Variants in G2E3 observed in about 807,000 individuals in gnomAD.
G2E3 encodes G2/M phase-specific E3 ubiquitin-protein ligase.
Under a neutral mutation model 92.8 loss-of-function variants are expected in G2E3, and 35 were observed. That is an observed-to-expected ratio of 0.38 (90% CI 0.29 to 0.50). The LOEUF is 0.50. Ranked by LOEUF, G2E3 falls within the 20% of genes least tolerant of loss-of-function variation. The pLI is 0.94. For missense variants in G2E3, 554 were observed against 823.8 expected, an observed-to-expected ratio of 0.67 and a Z score of 4.01; for synonymous variants, 242 against 272.4, an observed-to-expected ratio of 0.89 and a Z score of 1.10.
chr14:30,597,376 C>G (rs748766307), intron 6 of G2E3, 44 bp from the exon 7 acceptor site: 29 of 935,504 alleles, frequency 3.1e-5, no homozygotes, highest in Admixed American at 2.6e-4. Context: ...CACCTGATAA[C>G]AGATTTAAAT....
intron 1 of G2E3, among the ~76,000 whole-genome samples, chr14:30,572,785 G>A (rs566330924): frequency 1.5e-4 from 23 of 151,664 alleles, no homozygotes; most frequent in Middle Eastern, 3.4e-3. Context: ...CTCTTGTGGC[G>A]TTTATGTGTT....
chr14:30,560,951 A>G, intron 1 of G2E3: 1 of 615,008 alleles, frequency 1.6e-6, no homozygotes, highest in African/African-American at 1.8e-5. Context: ...CTTGGTTTGA[A>G]GCCCATCTCC....
chr14:30,591,634 T>G (rs868797930), intron 4 of G2E3, among the ~76,000 whole-genome samples: 1 of 152,300 alleles, frequency 6.6e-6, no homozygotes, highest in East Asian at 1.9e-4. Context: ...TGTTTCTATC[T>G]TCACAGGCCT....
At chr14:30,587,774 C>G (rs1880792458) in intron 3 of G2E3, among the ~76,000 whole-genome samples, 1 of 152,086 alleles carries the variant, frequency 6.6e-6, no homozygotes, top group African/African-American at 2.4e-5. Context: ...TCTCCCAAAG[C>G]AAGTGATGAG....
chr14:30,570,567 A>G (rs1879698610), intron 1 of G2E3, among the ~76,000 whole-genome samples: 1 of 151,860 alleles, frequency 6.6e-6, no homozygotes, highest in South Asian at 2.1e-4. Flanking sequence ...ATTTCAACTA[A>G]CCTGTCTTCA....
rs945615893 is a variant in G2E3 at position 30,584,951 on chromosome 14, C to T, written c.38-1767C>T. On this transcript the variant is annotated intron_variant, in intron 2 of 14. Coordinates refer to ENST00000206595, the MANE Select transcript of G2E3 (RefSeq NM_017769.5). ...GGTTCAAGCAATTCTTCTTCCTCAG[C>T]CTCCCGAGTAGCTGGGATTACAGGC... 6.6e-5 allele frequency among the ~76,000 whole-genome samples: 10 copies of T among 151,822 alleles called. No individual in the cohort carries two copies. The South Asian group carries it at 1.0e-3, about 16-fold the overall frequency.
chr14:30,598,194 T>G (rs229260), intron 7 of G2E3: 5,933 of 278,668 alleles, frequency 0.021, 388 homozygotes, highest in African/African-American at 0.12. Context: ...AGACCAGCCT[T>G]GCCAACATGG....
chr14:30,567,885 A>G (rs924812383), intron 1 of G2E3, among the ~76,000 whole-genome samples: 22 of 152,010 alleles, frequency 1.4e-4, no homozygotes, highest in African/African-American at 7.2e-5. Flanking sequence ...GTTTCATTCC[A>G]TAGTCATTGG....
At position 30,616,734 on chromosome 14, in the gene G2E3, T is replaced by G. The variant is rs1882333271; in HGVS notation, c.*200T>G. ...TTTTGTTAAAGCATACTAGTCAAAATTGGTGATAATTTCTCATTTTCTTGA... is the reference window on the plus strand; with the variant it reads ...TTTTGTTAAAGCATACTAGTCAAAAGTGGTGATAATTTCTCATTTTCTTGA... On this transcript the variant is annotated 3_prime_UTR_variant, in exon 15 of 15. Coordinates refer to ENST00000206595, the MANE Select transcript of G2E3 (RefSeq NM_017769.5). The G allele has an allele frequency of 4.7e-6, 2 of 426,432 alleles. No homozygotes were observed. Among genetic ancestry groups the G allele is most frequent in the East Asian group, 8.6e-5 (2 of 23,346 alleles). The allele number at this position is 426,432 out of a possible 1,614,324, so 26.4% of individuals were successfully genotyped here.
intron 12 of G2E3, 48 bp from the exon 13 acceptor site, chr14:30,612,159 A>G (rs1393290081): frequency 1.5e-6 from 2 of 1,323,188 alleles, no homozygotes; most frequent in Admixed American, 3.6e-5. Flanking sequence ...TGTGCATGTC[A>G]CTCAAAAGTA....
intron 8 of G2E3, among the ~76,000 whole-genome samples, chr14:30,601,389 GA>G (rs1343750462): frequency 3.5e-4 from 53 of 152,132 alleles, no homozygotes; most frequent in African/African-American, 1.3e-3. Flanking sequence ...TCCTCACCTT[GA>G]AATTTACTGA....
intron 1 of G2E3, among the ~76,000 whole-genome samples, chr14:30,569,565 G>A (rs1250677354): frequency 1.3e-5 from 2 of 152,148 alleles, no homozygotes; most frequent in African/African-American, 4.8e-5. Context: ...ACCTGGTTCT[G>A]TGGGAGTTGT....
At chr14:30,581,338 A>T (rs1880419880) in intron 2 of G2E3, among the ~76,000 whole-genome samples, 2 of 151,886 alleles carry the variant, frequency 1.3e-5, no homozygotes, top group Admixed American at 6.5e-5. Context: ...TATGGTTCGT[A>T]TCTCAATAAA....
rs769759019 is a variant in G2E3 at position 30,589,369 on chromosome 14, G to T, written c.136-14G>T. Reference sequence around the variant, plus strand: ...TTCTTAGAGTTTATTTTCTAATTGAGAATATATTCATAGTTGATGTCAAGT... The same window carrying T: ...TTCTTAGAGTTTATTTTCTAATTGATAATATATTCATAGTTGATGTCAAGT... On this transcript the variant is annotated splice_polypyrimidine_tract_variant and intron_variant, in intron 3 of 14. Transcript: ENST00000206595. 2 of 1,417,200 alleles carry T rather than the reference G, an allele frequency of 1.4e-6. No individual in the cohort carries two copies. The highest frequency in any genetic ancestry group is 2.0e-6 in the Non-Finnish European group (2 of 1,003,532). The allele number at this position is 1,417,200 out of a possible 1,614,324, so 87.8% of individuals were successfully genotyped here.
chr14:30,568,979 C>T (rs577212652), intron 1 of G2E3, among the ~76,000 whole-genome samples: 1 of 152,234 alleles, frequency 6.6e-6, no homozygotes, highest in East Asian at 1.9e-4. Flanking sequence ...TCCCTTTCAC[C>T]CTAGACCCCA....
intron 1 of G2E3, among the ~76,000 whole-genome samples, chr14:30,575,701 A>G (rs926281853): frequency 4.6e-5 from 7 of 152,206 alleles, no homozygotes; most frequent in African/African-American, 1.7e-4. Context: ...TACAAAATTC[A>G]CTAGCATTCC....
chr14:30,588,094 G>A (rs1880810844), intron 3 of G2E3, among the ~76,000 whole-genome samples: 1 of 152,092 alleles, frequency 6.6e-6, no homozygotes, highest in Non-Finnish European at 1.5e-5. Flanking sequence ...ACTGGCCTGG[G>A]AGCTTATTTA....
At chr14:30,562,782 T>G (rs1566520451) in intron 1 of G2E3, among the ~76,000 whole-genome samples, 1 of 152,210 alleles carries the variant, frequency 6.6e-6, no homozygotes, top group Non-Finnish European at 1.5e-5. Context: ...GCTCTGCCTT[T>G]TAGATAGCGG....
intron 13 of G2E3, among the ~76,000 whole-genome samples, chr14:30,613,235 A>T (rs995922306): frequency 6.6e-6 from 1 of 152,172 alleles, no homozygotes; most frequent in African/African-American, 2.4e-5. Flanking sequence ...TGTCTTGTTC[A>T]TCTTTATCCT....
Sources: allele counts gnomAD v4.1 joint callset (sites outside exome capture counted in the v4.1 genomes callset), GRCh38; gene constraint gnomAD v4.1.1; transcripts MANE v1.5; gene names NCBI Gene and HGNC (gene_info 2026-07-23, HGNC 2026-07-21).